ABI3BP: variants seen among roughly 807,000 people sequenced by gnomAD.
The protein encoded by ABI3BP is ABI family member 3 binding protein.
In ABI3BP, 216 loss-of-function variants were observed where a neutral mutation model predicts 268.6. That is an observed-to-expected ratio of 0.80 (90% confidence interval 0.72 to 0.90). The LOEUF is 0.90. Ranked by LOEUF, ABI3BP falls within the 40% of genes least tolerant of loss-of-function variation. The pLI is 0.00. For synonymous variants in ABI3BP, 730 were observed against 730.0 expected (o/e 1.00, Z 0.00); for missense variants, 2,090 against 2,182.4 (o/e 0.96, Z 0.84).
intron 2 of ABI3BP, among the ~76,000 whole-genome samples, chr3:100,925,901 A>G (rs941838535): frequency 7.2e-5 from 11 of 152,134 alleles, no homozygotes; most frequent in Non-Finnish European, 1.2e-4. Flanking sequence ...TTTTAAAAAT[A>G]TAATACTTTT....
At chr3:100,917,575 C>G (rs1168512587) in intron 2 of ABI3BP, among the ~76,000 whole-genome samples, 1 of 152,076 alleles carries the variant, frequency 6.6e-6, no homozygotes, top group Admixed American at 6.5e-5. Context: ...TGCAATGAAC[C>G]TGGGACCATA....
rs747563407 is a variant in ABI3BP, at chr3:100,914,502, G to A, written c.259+11800C>T. 537 of 453,490 alleles carry A rather than the reference G, an allele frequency of 1.2e-3. 8 individuals carry two copies. Among genetic ancestry groups the A allele is most frequent in the Middle Eastern group, 6.5e-4 (2 of 3,090 alleles). 28.1% of individuals were successfully genotyped at this position (453,490 alleles called of 1,614,324 possible). ...AACAGCAGCCACTGCTGGGATTCCAGAATGTTCACAGGCCTGTTCTGAAGG... is the reference window on the plus strand; with the variant it reads ...AACAGCAGCCACTGCTGGGATTCCAAAATGTTCACAGGCCTGTTCTGAAGG... On this transcript the variant is annotated intron_variant, in intron 2 of 67. Coordinates refer to ENST00000471714, the MANE Select transcript of ABI3BP (RefSeq NM_001375547.2).
rs141336383 is a variant in ABI3BP, at chr3:100,975,648, G to A, written c.79+17658C>T. Among the ~76,000 whole-genome samples the A allele has an allele frequency of 1.7e-3, 266 of 152,060 alleles. 1 individual carries two copies. Among genetic ancestry groups the A allele is most frequent in the African/African-American group, 6.0e-3 (250 of 41,484 alleles). The stretch of plus-strand genomic sequence containing the variant: ...GTGTACTGAGGGTGAATAAAGGAGG[G>A]GTAGAAAATAACATGTTTTCACCAC... On this transcript the variant is annotated intron_variant, in intron 1 of 67. Transcript: ENST00000471714.
Position 100,811,774 on chromosome 3 carries a change from A to G in ABI3BP, c.3447T>C (p.Tyr1149=). ...TIAPAKTDYV[Y]PTAKAPLWPE... ...GCCAGAGTGGTGCTTTGGCAGTGGG[A>G]TATACATAGTCTGTTTTGGCTGGTG... The change falls in exon 47 of 68, where the codon TAT becomes TAC. Residue 1149 remains tyrosine (Y), a synonymous_variant. Transcript: ENST00000471714. The G allele has an allele frequency of 1.3e-6, 2 of 1,535,526 alleles. No homozygotes were observed. The highest frequency in any genetic ancestry group is 2.7e-5 in the African/African-American group (2 of 73,118).
chr3:100,943,417 T>A (rs148781106), intron 1 of ABI3BP, among the ~76,000 whole-genome samples: 24 of 152,234 alleles, frequency 1.6e-4, no homozygotes, highest in African/African-American at 5.3e-4. Context: ...TGAGATAAAA[T>A]TTAGGTACAA....
intron 34 of ABI3BP, among the ~76,000 whole-genome samples, chr3:100,826,553 A>G (rs1400653363): frequency 1.3e-5 from 2 of 152,180 alleles, no homozygotes; most frequent in African/African-American, 4.8e-5. Context: ...CACGTGAAAA[A>G]CTAATTTGCA....
Position 100,864,050 on chromosome 3 carries a change from A to G in ABI3BP, c.1090T>C (p.Leu364=). Residue 364 remains leucine, a synonymous_variant, in exon 12 of 68, where the codon TTG becomes CTG. Transcript: ENST00000471714. ...AACTGAGGTATTAGAATAGTTTGCAATGTTTCCGGGGTCCTTTTGCTGAGA... is the reference window on the plus strand; with the variant it reads ...AACTGAGGTATTAGAATAGTTTGCAGTGTTTCCGGGGTCCTTTTGCTGAGA... ...LVLSKRTPET[L]QTILIPQFEL... is the part of the protein sequence containing the mutation. 7 of 1,536,176 alleles carry G rather than the reference A, an allele frequency of 4.6e-6. No individual in the cohort carries two copies. The highest frequency in any genetic ancestry group is 6.1e-6 in the Non-Finnish European group (7 of 1,146,772).
In ABI3BP at chr3:100,821,047, C is replaced by G; in HGVS notation, c.2947+7G>C. 1 of 1,534,790 alleles carries G rather than the reference C, an allele frequency of 6.5e-7. No homozygotes were observed. Among genetic ancestry groups the G allele is most frequent in the Non-Finnish European group, 8.7e-7 (1 of 1,145,756 alleles). ...AACACTTAATGAGGATTGCAACGTG[C>G]TATTACCTTGTGTTGTCACCCAAGT... On this transcript the variant is annotated splice_region_variant and intron_variant, in intron 39 of 67. Transcript: ENST00000471714.
intron 36 of ABI3BP, 82 bp from the exon 37 acceptor site, chr3:100,823,596 G>T: frequency 2.9e-6 from 3 of 1,026,706 alleles, no homozygotes; most frequent in South Asian, 1.5e-5. Flanking sequence ...AATTTTACTG[G>T]TATGTCAATT....
Position 100,749,630 on chromosome 3 carries a change from T to G in ABI3BP, c.*865A>C, listed in dbSNP as rs564550727. ...TTAACGTATAAATACATAGTAAATA[T>G]CCTATAAAATGGTAGGCAATCTCAT... On this transcript the variant is annotated 3_prime_UTR_variant, in exon 68 of 68. Coordinates refer to ENST00000471714, the MANE Select transcript of ABI3BP (RefSeq NM_001375547.2). 26 of 398,436 alleles carry G rather than the reference T, an allele frequency of 6.5e-5. No homozygotes were observed. The highest frequency in any genetic ancestry group is 6.3e-4 in the Middle Eastern group (1 of 1,580). The allele number at this position is 398,436 out of a possible 1,614,324, so 24.7% of individuals were successfully genotyped here. A position where few individuals can be genotyped will look rare whatever the true frequency, so the allele number is the denominator to read the frequency against.
intron 50 of ABI3BP, among the ~76,000 whole-genome samples, chr3:100,806,163 A>G (rs1578361626): frequency 1.3e-5 from 2 of 152,210 alleles, no homozygotes; most frequent in South Asian, 4.1e-4. Context: ...TTATAAACAC[A>G]CTTTCAGTAA....
At chr3:100,883,520 C>T (rs1186118895) in intron 6 of ABI3BP, among the ~76,000 whole-genome samples, 1 of 152,022 alleles carries the variant, frequency 6.6e-6, no homozygotes, top group Non-Finnish European at 1.5e-5. Context: ...GAAAATACAA[C>T]TGGCTAATAA....
At chr3:100,907,712 G>A (rs373528712) in intron 2 of ABI3BP, among the ~76,000 whole-genome samples, 20 of 151,958 alleles carry the variant, frequency 1.3e-4, no homozygotes, top group African/African-American at 2.9e-4. Flanking sequence ...CATAAATATC[G>A]ATGCAAAAAA....
chr3:100,833,129 AGAT>A lies in ABI3BP; in HGVS notation c.2307_2309del (p.Ser771del). On this transcript the variant is annotated inframe_deletion, in exon 30 of 68. Coordinates refer to ENST00000471714, the MANE Select transcript of ABI3BP (RefSeq NM_001375547.2). ...AAGGACATAGAGAGTCATTACCTGA[AGAT>A]GTCCCAGGAGTAATAGGTCCAAAGT... 6.5e-7 allele frequency: 1 copy of A among 1,534,848 alleles called. No homozygotes were observed. The highest frequency in any genetic ancestry group is 8.7e-7 in the Non-Finnish European group (1 of 1,146,048).
At chr3:100,845,138 T>C (rs1657169952) in intron 20 of ABI3BP, among the ~76,000 whole-genome samples, 1 of 152,210 alleles carries the variant, frequency 6.6e-6, no homozygotes, top group African/African-American at 2.4e-5. Context: ...TAGTCCTCTG[T>C]TCAAAATACA....
intron 1 of ABI3BP, 122 bp downstream of exon 1, chr3:100,993,184 T>A (rs960962932): frequency 1.5e-6 from 1 of 677,942 alleles, no homozygotes; most frequent in African/African-American, 1.8e-5. Flanking sequence ...ATTTGAACTT[T>A]GAATCTCTGC....
intron 2 of ABI3BP, chr3:100,912,295 A>AC (rs1488903795): frequency 1.9e-5 from 3 of 156,612 alleles, no homozygotes; most frequent in Non-Finnish European, 4.1e-5. Context: ...AAAAAAAAAA[A>AC]AAAAAAAAAC....
At chr3:100,873,233 C>A (rs2099126593) in intron 9 of ABI3BP, among the ~76,000 whole-genome samples, 2 of 152,140 alleles carry the variant, frequency 1.3e-5, no homozygotes, top group Admixed American at 6.5e-5. Flanking sequence ...ATTTGAAAAA[C>A]ACATGAAGAG....
intron 2 of ABI3BP, among the ~76,000 whole-genome samples, chr3:100,913,633 C>A (rs190919543): frequency 1.5e-4 from 23 of 152,200 alleles, no homozygotes; most frequent in Admixed American, 1.5e-3. Context: ...GCATAAGTAG[C>A]ATAAGTAATG....
Sources: allele counts gnomAD v4.1 joint callset (sites outside exome capture counted in the v4.1 genomes callset), GRCh38; gene constraint gnomAD v4.1.1; transcripts MANE v1.5; gene names NCBI Gene and HGNC (gene_info 2026-07-23, HGNC 2026-07-21).